DRG2: variants seen among roughly 807,000 people sequenced by gnomAD.
DRG2 encodes the protein developmentally-regulated GTP-binding protein 2.
Under a neutral mutation model 53.4 loss-of-function variants are expected in DRG2, and 36 were observed. The observed-to-expected ratio is 0.67, with a 90% CI of 0.52 to 0.89. DRG2 has a LOEUF of 0.89. Ranked by LOEUF, DRG2 falls within the 40% of genes least tolerant of loss-of-function variation. DRG2 has a pLI of 0.00. For synonymous variants in DRG2, 167 were observed against 192.1 expected, an observed-to-expected ratio of 0.87 and a Z score of 1.08; for missense variants, 342 against 481.2, an observed-to-expected ratio of 0.71 and a Z score of 2.71.
Position 18,099,379 on chromosome 17 carries a change from C to T in DRG2, c.377-254C>T, listed in dbSNP as rs762254786. The stretch of plus-strand genomic sequence containing the variant: ...TGTTCAGGAAGCATTTAGCCTGGGC[C>T]CTGCCACATGGTAGGGGTGGGCGTA... On this transcript the variant is annotated intron_variant, in intron 4 of 12. Coordinates refer to ENST00000225729, the MANE Select transcript of DRG2 (RefSeq NM_001388.5). This position sits in a 1 kb window ranked among gnomAD's most constrained non-coding sequence, Gnocchi z 4.4. 2 of 611,488 alleles carry T rather than the reference C, an allele frequency of 3.3e-6. No individual in the cohort carries two copies. The highest frequency in any genetic ancestry group is 2.0e-5 in the South Asian group (1 of 50,948). The allele number at this position is 611,488 out of a possible 1,614,324, so 37.9% of individuals were successfully genotyped here.
chr17:18,095,155 G>C (rs1045918676), intron 2 of DRG2, among the ~76,000 whole-genome samples: 5 of 150,652 alleles, frequency 3.3e-5, no homozygotes, highest in African/African-American at 1.2e-4. Flanking sequence ...GGGATTACAG[G>C]CATCCGCCAC....
chr17:18,104,309 A>C (rs1227347013), intron 10 of DRG2, among the ~76,000 whole-genome samples: 1 of 152,190 alleles, frequency 6.6e-6, no homozygotes, highest in African/African-American at 2.4e-5. Flanking sequence ...AGCTTCCCTC[A>C]CTAGACTCCA....
In DRG2 at chr17:18,101,510, G is replaced by T; in HGVS notation, c.649G>T (p.Val217Leu). ...LHEYKIFNAE[V>L]LFREDCSPDE... ...CCCCTCAGAGATCTTCAATGCAGAAGTGCTTTTCCGAGAAGACTGCTCCCC... is the reference window on the plus strand; with the variant it reads ...CCCCTCAGAGATCTTCAATGCAGAATTGCTTTTCCGAGAAGACTGCTCCCC... The change falls in exon 8 of 13, where the codon GTG becomes TTG. Residue 217 changes from valine to leucine, a missense_variant. By Grantham distance (32) the Val-to-Leu change is conservative. Coordinates refer to ENST00000225729, the MANE Select transcript of DRG2 (RefSeq NM_001388.5). 6.2e-7 allele frequency: 1 copy of T among 1,614,208 alleles called. No individual in the cohort carries two copies. Among genetic ancestry groups the T allele is most frequent in the East Asian group, 2.2e-5 (1 of 44,876 alleles).
chr17:18,107,255 C>T lies in DRG2; in HGVS notation c.*15C>T, dbSNP rs1202645213. On this transcript the variant is annotated 3_prime_UTR_variant, in exon 13 of 13. Transcript: ENST00000225729. The stretch of plus-strand genomic sequence containing the variant: ...TGAAGAAGTAACGGCGCCTGCCGGG[C>T]CTCCCGCCCACCTGCCTCGTCTCCC... The T allele has an allele frequency of 2.5e-6, 4 of 1,611,748 alleles. No homozygotes were observed. In the South Asian group the frequency reaches 3.3e-5, roughly 13 times the overall value.
At chr17:18,107,082 G>T in intron 12 of DRG2, 72 bp from the exon 13 acceptor site, 1 of 1,420,566 alleles carries the variant, frequency 7.0e-7, no homozygotes, top group Non-Finnish European at 9.9e-7. Flanking sequence ...GGACACACAC[G>T]CCCAGGGATA....
rs751141769 is a variant in DRG2 at position 18,098,337 on chromosome 17, C to T, written c.293C>T (p.Thr98Met). 1.9e-6 allele frequency: 3 copies of T among 1,613,850 alleles called. No homozygotes were observed. The highest frequency in any genetic ancestry group is 1.7e-5 in the Admixed American group (1 of 60,000). Residue 98 changes from threonine to methionine, a missense_variant, in exon 3 of 13, where the codon ACG becomes ATG. Physicochemically the swap from Thr to Met is moderately conservative, Grantham distance 81 (BLOSUM62 -1). Transcript: ENST00000225729. This position sits in a 1 kb window ranked among gnomAD's most constrained non-coding sequence, Gnocchi z 4.1. ...EAASYEFTTL[T>M]CIPGVIEYKG... is the part of the protein sequence containing the mutation. ...GCGTCCTATGAGTTCACCACTCTGACGTGTATTCCTGGGGTCATTGAAGTA... is the reference window on the plus strand; with the variant it reads ...GCGTCCTATGAGTTCACCACTCTGATGTGTATTCCTGGGGTCATTGAAGTA...
At chr17:18,095,818 G>C (rs1020179282) in intron 2 of DRG2, 1 of 152,194 alleles carries the variant, frequency 6.6e-6, no homozygotes, top group Non-Finnish European at 1.5e-5. Context: ...TTACACCAAT[G>C]AATATTGATC....
intron 11 of DRG2, 108 bp downstream of exon 11, chr17:18,104,789 C>G: frequency 6.4e-7 from 1 of 1,559,428 alleles, no homozygotes; most frequent in Non-Finnish European, 8.7e-7. Flanking sequence ...GCTGGTCTCA[C>G]TCTCAGATGT....
intron 1 of DRG2, among the ~76,000 whole-genome samples, chr17:18,092,647 AAT>A (rs2045353382): frequency 6.6e-6 from 1 of 152,170 alleles, no homozygotes; most frequent in African/African-American, 2.4e-5. Flanking sequence ...AAACCAATAT[AAT>A]ACCCTAATAG....
chr17:18,105,632 T>G (rs2045615253), intron 11 of DRG2: 1 of 152,290 alleles, frequency 6.6e-6, no homozygotes, highest in African/African-American at 2.4e-5. Context: ...CTGGGCAAGC[T>G]GAGTAAAACA....
rs1212866200 is a variant in DRG2, at chr17:18,099,171, C to G, written c.376+94C>G. On this transcript the variant is annotated intron_variant, in intron 4 of 12. Transcript: ENST00000225729. The surrounding 1 kb of genome is among the most constrained non-coding windows in gnomAD (Gnocchi z 4.4). Reference sequence around the variant, plus strand: ...GCTGTCATGGAGATCACTCTGGATCCCTGGTCCATTATCCCGCTTTCCAGA... The same window carrying G: ...GCTGTCATGGAGATCACTCTGGATCGCTGGTCCATTATCCCGCTTTCCAGA... The G allele has an allele frequency of 6.6e-7, 1 of 1,514,274 alleles. No homozygotes were observed. The highest frequency in any genetic ancestry group is 9.1e-7 in the Non-Finnish European group (1 of 1,097,346). 93.8% of individuals were successfully genotyped at this position (1,514,274 alleles called of 1,614,324 possible). A position where few individuals can be genotyped will look rare whatever the true frequency, so the allele number is the denominator to read the frequency against.
In DRG2 at chr17:18,090,385, TA is replaced by T. The variant is rs1567597969; in HGVS notation, c.64+2299del. ...GGGCTAATTTATATATATATATATA[TA>T]TATATATATATATATATATATTTTT... On this transcript the variant is annotated intron_variant, in intron 1 of 12. Coordinates refer to ENST00000225729, the MANE Select transcript of DRG2 (RefSeq NM_001388.5). Among the ~76,000 whole-genome samples, 38 of 22,136 alleles carry T rather than the reference TA, an allele frequency of 1.7e-3. 3 individuals are homozygous for T. Among genetic ancestry groups the T allele is most frequent in the East Asian group, 4.8e-3 (3 of 620 alleles). 14.5% of individuals were successfully genotyped at this position (22,136 alleles called of 152,430 possible). A position where few individuals can be genotyped will look rare whatever the true frequency, so the allele number is the denominator to read the frequency against.
chr17:18,100,680 C>G lies in DRG2; in HGVS notation c.631+21C>G, dbSNP rs368366448. Reference sequence around the variant, plus strand: ...ATACAGTATCCTTCCCTGAAAGACACGTGAAGGAGGGCAGCCACCACCGTC... The same window carrying G: ...ATACAGTATCCTTCCCTGAAAGACAGGTGAAGGAGGGCAGCCACCACCGTC... On this transcript the variant is annotated intron_variant, in intron 7 of 12. Transcript: ENST00000225729. This position sits in a 1 kb window ranked among gnomAD's most constrained non-coding sequence, Gnocchi z 4.1. 1.6e-5 allele frequency: 25 copies of G among 1,605,168 alleles called. No homozygotes were observed. Among genetic ancestry groups the G allele is most frequent in the Non-Finnish European group, 2.0e-5 (23 of 1,175,566 alleles).
intron 11 of DRG2, among the ~76,000 whole-genome samples, chr17:18,105,133 G>T (rs712265): frequency 6.6e-6 from 1 of 151,942 alleles, no homozygotes; most frequent in African/African-American, 2.4e-5. Flanking sequence ...AAGAGTTGGG[G>T]TGGGGAGCAT....
intron 1 of DRG2, 77 bp from the exon 2 acceptor site, chr17:18,093,736 C>T (rs905139794): frequency 1.3e-5 from 19 of 1,511,974 alleles, no homozygotes; most frequent in South Asian, 2.5e-5. Flanking sequence ...CAGCACTTGG[C>T]GACATGTGGG....
At chr17:18,106,358 T>G in intron 11 of DRG2, 75 bp from the exon 12 acceptor site, 2 of 1,551,018 alleles carry the variant, frequency 1.3e-6, no homozygotes, top group Non-Finnish European at 1.8e-6. Flanking sequence ...GTCCTGAGCT[T>G]TGGGTGTGCA....
At position 18,099,572 on chromosome 17, in the gene DRG2, G is replaced by A. The variant is rs969097885; in HGVS notation, c.377-61G>A. 2.1e-5 allele frequency: 33 copies of A among 1,539,826 alleles called. No homozygotes were observed. Among genetic ancestry groups the A allele is most frequent in the Middle Eastern group, 3.3e-4 (2 of 6,000 alleles). ...GTAAAGGACAGGAGTCCAGGGCGCCGTGGGCTGGGTAGCAGTCACATGGGT... is the reference window on the plus strand; with the variant it reads ...GTAAAGGACAGGAGTCCAGGGCGCCATGGGCTGGGTAGCAGTCACATGGGT... On this transcript the variant is annotated intron_variant, in intron 4 of 12. Transcript: ENST00000225729. This position sits in a 1 kb window ranked among gnomAD's most constrained non-coding sequence, Gnocchi z 4.4.
Position 18,088,007 on chromosome 17 carries a change from C to T in DRG2, c.-17C>T. 1.9e-6 allele frequency: 3 copies of T among 1,547,074 alleles called. No individual in the cohort carries two copies. Among genetic ancestry groups the T allele is most frequent in the Non-Finnish European group, 2.6e-6 (3 of 1,145,496 alleles). On this transcript the variant is annotated 5_prime_UTR_variant, in exon 1 of 13. Transcript: ENST00000225729. ...GCCGCCGCCACCGCTGTCTGTGCGC[C>T]CACCTCTGCTGCTACCATGGGGATC...
rs2045667324 is a variant in DRG2, at chr17:18,107,657, T to G, written c.*417T>G. 4 of 206,710 alleles carry G rather than the reference T, an allele frequency of 1.9e-5. No individual in the cohort carries two copies. In the South Asian group the frequency reaches 3.6e-4, roughly 19 times the overall value. 12.8% of individuals were successfully genotyped at this position (206,710 alleles called of 1,614,324 possible). A position where few individuals can be genotyped will look rare whatever the true frequency, so the allele number is the denominator to read the frequency against. ...CATGGCACCTCACTCCCTCAGCTCT[T>G]GCCAGCTTCTCTGACACTTGGGTTG... On this transcript the variant is annotated 3_prime_UTR_variant, in exon 13 of 13. Coordinates refer to ENST00000225729, the MANE Select transcript of DRG2 (RefSeq NM_001388.5).
Sources: gnomAD v4.1 joint callset for allele counts (sites outside exome capture counted in the v4.1 genomes callset) on GRCh38, gnomAD v4.1.1 for gene constraint, Gnocchi (gnomAD v3.1) non-coding constraint, MANE v1.5 for transcripts, NCBI Gene and HGNC (gene_info 2026-07-23, HGNC 2026-07-21) for gene names.